Variants in PTPRG observed in about 807,000 individuals in gnomAD.
The protein encoded by PTPRG is protein tyrosine phosphatase receptor type G, also known as receptor-type tyrosine-protein phosphatase gamma.
PTPRG carries 102 observed loss-of-function variants against 165.3 expected under a neutral mutation model. The ratio of observed to expected loss-of-function variants is 0.62; its 90% CI spans 0.53 to 0.73. The LOEUF is 0.73. Among genes scored for constraint, PTPRG ranks in the 30% least tolerant of loss-of-function variants. PTPRG has a pLI of 0.00. For synonymous variants in PTPRG, 675 were observed against 669.5 expected (o/e 1.01, Z -0.13); for missense variants, 1,866 against 1,861.4 (o/e 1.00, Z -0.05).
chr3:61,890,423 G>GTTCTTTTTTTTTTTTTTTTTTTTT (rs2038180347), intron 2 of PTPRG, among the ~76,000 whole-genome samples: 1 of 119,240 alleles, frequency 8.4e-6, no homozygotes, highest in African/African-American at 3.3e-5. Context: ...TTTTTTTTTT[G>GTTCTTTTTTTTTTTTTTTTTTTTT]TTTTTTTTTT....
At chr3:62,239,684 A>T (rs116109149) in intron 14 of PTPRG, among the ~76,000 whole-genome samples, 2 of 151,988 alleles carry the variant, frequency 1.3e-5, no homozygotes, top group African/African-American at 2.4e-5. Flanking sequence ...TTCTATCTCC[A>T]TTCCCCTGCG....
At chr3:61,644,860 A>G (rs911558822) in intron 1 of PTPRG, among the ~76,000 whole-genome samples, 21 of 152,252 alleles carry the variant, frequency 1.4e-4, no homozygotes, top group African/African-American at 5.1e-4. Context: ...AACAGGCAAT[A>G]CACTCATTTG....
intron 3 of PTPRG, among the ~76,000 whole-genome samples, chr3:61,994,314 T>G (rs2040968218): frequency 6.6e-6 from 1 of 152,200 alleles, no homozygotes; most frequent in Non-Finnish European, 1.5e-5. Context: ...TTTTATTTTA[T>G]TTTTATTTTA....
chr3:61,593,400 GAAAAAA>G (rs4019828), intron 1 of PTPRG, among the ~76,000 whole-genome samples: 1 of 139,186 alleles, frequency 7.2e-6, no homozygotes, highest in African/African-American at 2.9e-5. Flanking sequence ...TAATGAATTG[GAAAAAA>G]AAAAAAAAAA....
rs575841748 is a variant in PTPRG at position 61,886,810 on chromosome 3, C to G, written c.191-102815C>G. On this transcript the variant is annotated intron_variant, in intron 2 of 29. Coordinates refer to ENST00000474889, the MANE Select transcript of PTPRG (RefSeq NM_002841.4). ...CTTCCAAATAGAAGGTTTTTATTTT[C>G]TGCTTAATTGGGTGTAAACAGTTGA... 9.2e-5 allele frequency among the ~76,000 whole-genome samples: 14 copies of G among 151,830 alleles called. No individual in the cohort carries two copies. In the South Asian group the frequency reaches 2.9e-3, roughly 32 times the overall value.
chr3:62,169,032 A>G (rs1705109446), intron 8 of PTPRG, among the ~76,000 whole-genome samples: 1 of 152,072 alleles, frequency 6.6e-6, no homozygotes, highest in Non-Finnish European at 1.5e-5. Context: ...TCTCCCTGCC[A>G]CGCCATTCTG....
chr3:61,841,164 A>G (rs2036621306), intron 2 of PTPRG, among the ~76,000 whole-genome samples: 1 of 152,194 alleles, frequency 6.6e-6, no homozygotes, highest in South Asian at 2.1e-4. Flanking sequence ...ATCAACGTAT[A>G]TATTGGGACC....
At chr3:62,113,338 A>G (rs1395141057) in intron 5 of PTPRG, among the ~76,000 whole-genome samples, 1 of 152,184 alleles carries the variant, frequency 6.6e-6, no homozygotes, top group Non-Finnish European at 1.5e-5. Context: ...GAAACCGATC[A>G]GCACCACTCT....
At chr3:62,080,701 A>C (rs2106761521) in intron 5 of PTPRG, among the ~76,000 whole-genome samples, 1 of 152,220 alleles carries the variant, frequency 6.6e-6, no homozygotes, top group South Asian at 2.1e-4. Flanking sequence ...CTCTACCCAA[A>C]CACTTTCTAT....
chr3:62,153,806 G>A (rs933722226), intron 6 of PTPRG, among the ~76,000 whole-genome samples: 3 of 152,154 alleles, frequency 2.0e-5, no homozygotes, highest in South Asian at 2.1e-4. Flanking sequence ...CACAGATAGC[G>A]GAGCTGGTAT....
At position 61,902,446 on chromosome 3, in the gene PTPRG, A is replaced by T. The variant is rs75700855; in HGVS notation, c.191-87179A>T. On this transcript the variant is annotated intron_variant, in intron 2 of 29. Transcript: ENST00000474889. The stretch of plus-strand genomic sequence containing the variant: ...TAGTTTCCATCACCTGTGTATTAAG[A>T]TTCATCAAATGGAAGACGCCCTTGA... Among the ~76,000 whole-genome samples, 1,443 of 152,266 alleles carry T rather than the reference A, an allele frequency of 9.5e-3. 21 individuals carry two copies. The highest frequency in any genetic ancestry group is 0.033 in the African/African-American group (1,385 of 41,534).
chr3:62,183,447 T>C (rs1310918628), intron 8 of PTPRG, among the ~76,000 whole-genome samples: 1 of 151,824 alleles, frequency 6.6e-6, no homozygotes, highest in African/African-American at 2.4e-5. Flanking sequence ...ACCTGTAATC[T>C]CAGCTACTTG....
At chr3:62,103,925 C>T (rs1702382852) in intron 5 of PTPRG, among the ~76,000 whole-genome samples, 2 of 152,182 alleles carry the variant, frequency 1.3e-5, no homozygotes, top group South Asian at 4.1e-4. Flanking sequence ...ACCTCTCACT[C>T]GCTATTCTCA....
chr3:61,944,176 C>G (rs1392288912), intron 2 of PTPRG, among the ~76,000 whole-genome samples: 1 of 152,152 alleles, frequency 6.6e-6, no homozygotes, highest in Non-Finnish European at 1.5e-5. Context: ...TCTCTACCCA[C>G]TAGATAACTG....
chr3:62,081,344 CCTT>C (rs904137904), intron 5 of PTPRG, among the ~76,000 whole-genome samples: 1 of 152,012 alleles, frequency 6.6e-6, no homozygotes, highest in Non-Finnish European at 1.5e-5. Context: ...CTTCCTTTGT[CCTT>C]CTTATTTATT....
intron 18 of PTPRG, 29 bp from the exon 19 acceptor site, chr3:62,267,656 A>T (rs764422603): frequency 6.2e-7 from 1 of 1,600,974 alleles, no homozygotes; most frequent in South Asian, 1.1e-5. Flanking sequence ...AACTGCTTTC[A>T]TCTCACTTTG....
At chr3:62,061,387 C>T (rs1700805082) in intron 4 of PTPRG, among the ~76,000 whole-genome samples, 1 of 133,226 alleles carries the variant, frequency 7.5e-6, no homozygotes, top group African/African-American at 2.7e-5. Context: ...TGGAGCCACT[C>T]TGTAACCTGA....
intron 2 of PTPRG, among the ~76,000 whole-genome samples, chr3:61,814,098 A>G (rs1027119482): frequency 3.3e-5 from 5 of 152,010 alleles, no homozygotes. Context: ...ATGGGGTTTC[A>G]CCATGTTAGC....
intron 5 of PTPRG, among the ~76,000 whole-genome samples, chr3:62,126,082 A>G (rs1485978622): frequency 6.6e-6 from 1 of 152,174 alleles, no homozygotes; most frequent in Admixed American, 6.5e-5. Flanking sequence ...GAGAAATTGC[A>G]TGTATTGACA....
Sources: gnomAD v4.1 joint callset for allele counts (sites outside exome capture counted in the v4.1 genomes callset) on GRCh38, gnomAD v4.1.1 for gene constraint, MANE v1.5 for transcripts, NCBI Gene and HGNC (gene_info 2026-07-23, HGNC 2026-07-21) for gene names.